The following CDK5R1 variants were observed in gnomAD, a reference collection of about 807,000 sequenced individuals.
CDK5R1 encodes cyclin-dependent kinase 5 activator 1.
CDK5R1 carries 1 observed loss-of-function variant against 19.0 expected under a neutral mutation model. The ratio of observed to expected loss-of-function variants is 0.05; its 90% confidence interval spans 0.02 to 0.25. The LOEUF is 0.25. CDK5R1 is among the 10% of genes least tolerant of loss of function. The probability of loss-of-function intolerance (pLI) is 1.00; values close to 1 mark genes in which losing one functional copy is unlikely to be tolerated. For synonymous variants in CDK5R1, 225 were observed against 187.7 expected (o/e 1.20, Z -1.62); for missense variants, 314 against 401.0 (o/e 0.78, Z 1.85).
chr17:32,487,704 G>C lies in CDK5R1; in HGVS notation c.84G>C (p.Thr28=). Residue 28 remains threonine (T), a synonymous_variant, in exon 2 of 2, where the codon ACG becomes ACC. Coordinates refer to ENST00000313401, the MANE Select transcript of CDK5R1 (RefSeq NM_003885.3). The surrounding 1 kb of genome is among the most constrained non-coding windows in gnomAD (Gnocchi z 7.9). ...EDGAATVGHY[T]AVQNSKNAKD... is the part of the protein sequence containing the mutation. ...GCGCGGCCACCGTGGGCCACTATAC[G>C]GCCGTACAGAACAGCAAGAACGCCA... 1 of 1,613,874 alleles carries C rather than the reference G, an allele frequency of 6.2e-7. No homozygotes were observed.
At position 32,487,544 on chromosome 17, in the gene CDK5R1, G is replaced by A; in HGVS notation, c.-77G>A. 1.6e-6 allele frequency: 2 copies of A among 1,227,826 alleles called. No homozygotes were observed. Among genetic ancestry groups the A allele is most frequent in the East Asian group, 2.5e-5 (1 of 40,012 alleles). 76.1% of individuals were successfully genotyped at this position (1,227,826 alleles called of 1,614,324 possible). ...TCCTCTCCGGGGCCGCCGCAGGCTCGGTGAGCGGTTTTATCCCTCCGGCCG... is the reference window on the plus strand; with the variant it reads ...TCCTCTCCGGGGCCGCCGCAGGCTCAGTGAGCGGTTTTATCCCTCCGGCCG... On this transcript the variant is annotated 5_prime_UTR_variant, in exon 2 of 2. Coordinates refer to ENST00000313401, the MANE Select transcript of CDK5R1 (RefSeq NM_003885.3). This position sits in a 1 kb window ranked among gnomAD's most constrained non-coding sequence, Gnocchi z 7.9.
rs1458105194 is a variant in CDK5R1 at position 32,490,969 on chromosome 17, A to G, written c.*2425A>G. ...AAATGTGCCATTTTTTTCACTCAGA[A>G]TTATTCATAGCTGTATATTTGAAAC... On this transcript the variant is annotated 3_prime_UTR_variant, in exon 2 of 2. Transcript: ENST00000313401. 1 of 167,124 alleles carries G rather than the reference A, an allele frequency of 6.0e-6. No individual in the cohort carries two copies. The highest frequency in any genetic ancestry group is 1.5e-5 in the Non-Finnish European group (1 of 68,134). The allele number at this position is 167,124 out of a possible 1,614,324, so 10.4% of individuals were successfully genotyped here. A position where few individuals can be genotyped will look rare whatever the true frequency, so the allele number is the denominator to read the frequency against.
rs745599063 is a variant in CDK5R1, at chr17:32,487,948, C to A, written c.328C>A (p.Pro110Thr). 4 of 1,613,326 alleles carry A rather than the reference C, an allele frequency of 2.5e-6. No individual in the cohort carries two copies. Among genetic ancestry groups the A allele is most frequent in the Non-Finnish European group, 3.4e-6 (4 of 1,179,988 alleles). The change falls in exon 2 of 2, where the codon CCG becomes ACG. Residue 110 changes from proline (P) to threonine (T), a missense_variant. Physicochemically the swap from Pro to Thr is conservative, Grantham distance 38. Around this residue, in one of 3 missense-constraint regions of CDK5R1, gnomAD observed 197 missense variants for 230.2 expected, o/e 0.86. Coordinates refer to ENST00000313401, the MANE Select transcript of CDK5R1 (RefSeq NM_003885.3). This position sits in a 1 kb window ranked among gnomAD's most constrained non-coding sequence, Gnocchi z 7.9. The stretch of plus-strand genomic sequence containing the variant: ...CCCACCGGCCCAGCCGCCTGCACCC[C>A]CGGCCAGCCAGCTCTCGGGTTCCCA... ...QPPPAQPPAP[P>T]ASQLSGSQTG...
At position 32,487,520 on chromosome 17, in the gene CDK5R1, C is replaced by G. The variant is rs1338805999; in HGVS notation, c.-101C>G. Reference sequence around the variant, plus strand: ...ACGCTTCCCGGGAGCGCCCCCGCCTCCTCTCCGGGGCCGCCGCAGGCTCGG... The same window carrying G: ...ACGCTTCCCGGGAGCGCCCCCGCCTGCTCTCCGGGGCCGCCGCAGGCTCGG... On this transcript the variant is annotated 5_prime_UTR_variant, in exon 2 of 2. Transcript: ENST00000313401. This position sits in a 1 kb window ranked among gnomAD's most constrained non-coding sequence, Gnocchi z 7.9. 1.1e-6 allele frequency: 1 copy of G among 895,504 alleles called. No homozygotes were observed. The highest frequency in any genetic ancestry group is 1.7e-6 in the Non-Finnish European group (1 of 601,524). 55.5% of individuals were successfully genotyped at this position (895,504 alleles called of 1,614,324 possible).
At position 32,487,847 on chromosome 17, in the gene CDK5R1, A is replaced by G. The variant is rs1424987078; in HGVS notation, c.227A>G (p.Asn76Ser). 5 of 1,614,090 alleles carry G rather than the reference A, an allele frequency of 3.1e-6. No individual in the cohort carries two copies. The Admixed American group carries it at 8.3e-5, about 27-fold the overall frequency. Residue 76 changes from asparagine to serine, a missense_variant, in exon 2 of 2, where the codon AAC becomes AGC. Around this residue, in one of 3 missense-constraint regions of CDK5R1, gnomAD observed 197 missense variants for 230.2 expected, o/e 0.86. Transcript: ENST00000313401. This position sits in a 1 kb window ranked among gnomAD's most constrained non-coding sequence, Gnocchi z 7.9. ...GTGCAGCCCAACAGCAGCTACCAGAACAACATCACGCACCTCAACAATGAG... is the reference window on the plus strand; with the variant it reads ...GTGCAGCCCAACAGCAGCTACCAGAGCAACATCACGCACCTCAACAATGAG... Reference protein sequence around the residue: ...KKVQPNSSYQNNITHLNNENL... With the variant: ...KKVQPNSSYQSNITHLNNENL...
chr17:32,490,978 AGCTGTATATTTGAAACT>A lies in CDK5R1; in HGVS notation c.*2438_*2454del, dbSNP rs1201754542. On this transcript the variant is annotated 3_prime_UTR_variant, in exon 2 of 2. Transcript: ENST00000313401. ...ATTTTTTTCACTCAGAATTATTCATAGCTGTATATTTGAAACTGCTAATTACACACGTGTGATGTATG... is the reference window on the plus strand; with the variant it reads ...ATTTTTTTCACTCAGAATTATTCATAGCTAATTACACACGTGTGATGTATG... 2.4e-5 allele frequency: 4 copies of A among 167,124 alleles called. No homozygotes were observed. The highest frequency in any genetic ancestry group is 9.6e-5 in the African/African-American group (4 of 41,478). 10.4% of individuals were successfully genotyped at this position (167,124 alleles called of 1,614,324 possible). A position where few individuals can be genotyped will look rare whatever the true frequency, so the allele number is the denominator to read the frequency against.
At position 32,489,477 on chromosome 17, in the gene CDK5R1, C is replaced by G; in HGVS notation, c.*933C>G. 2.8e-6 allele frequency: 1 copy of G among 360,440 alleles called. No homozygotes were observed. The allele number at this position is 360,440 out of a possible 1,614,324, so 22.3% of individuals were successfully genotyped here. ...AGGGCTAAGGCCTCTTGCTGGTGCA[C>G]ATGACATTTGTCCTGCAGAGCTGGG... On this transcript the variant is annotated 3_prime_UTR_variant, in exon 2 of 2. Coordinates refer to ENST00000313401, the MANE Select transcript of CDK5R1 (RefSeq NM_003885.3).
chr17:32,490,619 A>G lies in CDK5R1; in HGVS notation c.*2075A>G, dbSNP rs545874565. The G allele has an allele frequency of 6.0e-6, 1 of 167,246 alleles. No individual in the cohort carries two copies. The highest frequency in any genetic ancestry group is 1.5e-5 in the Non-Finnish European group (1 of 68,118). The allele number at this position is 167,246 out of a possible 1,614,324, so 10.4% of individuals were successfully genotyped here. A position where few individuals can be genotyped will look rare whatever the true frequency, so the allele number is the denominator to read the frequency against. On this transcript the variant is annotated 3_prime_UTR_variant, in exon 2 of 2. Coordinates refer to ENST00000313401, the MANE Select transcript of CDK5R1 (RefSeq NM_003885.3). ...AACAACTGATATACTTGAGTGTGCAAGCAAAGAACCCATTTGCCATGCTGC... is the reference window on the plus strand; with the variant it reads ...AACAACTGATATACTTGAGTGTGCAGGCAAAGAACCCATTTGCCATGCTGC...
rs1018207531 is a variant in CDK5R1 at position 32,487,638 on chromosome 17, C to G, written c.18C>G (p.Ser6=). The change falls in exon 2 of 2, where the codon TCC becomes TCG. Residue 6 remains serine, a synonymous_variant. Transcript: ENST00000313401. This position sits in a 1 kb window ranked among gnomAD's most constrained non-coding sequence, Gnocchi z 7.9. MGTVL[S]LSPSYRKATL... Reference sequence around the variant, plus strand: ...GCAGCACCATGGGCACGGTGCTGTCCCTGTCTCCCAGCTACCGGAAGGCCA... The same window carrying G: ...GCAGCACCATGGGCACGGTGCTGTCGCTGTCTCCCAGCTACCGGAAGGCCA... 1.2e-6 allele frequency: 2 copies of G among 1,613,156 alleles called. No individual in the cohort carries two copies. Among genetic ancestry groups the G allele is most frequent in the South Asian group, 1.1e-5 (1 of 91,070 alleles).
Position 32,488,742 on chromosome 17 carries a change from A to C in CDK5R1, c.*198A>C. On this transcript the variant is annotated 3_prime_UTR_variant, in exon 2 of 2. Coordinates refer to ENST00000313401, the MANE Select transcript of CDK5R1 (RefSeq NM_003885.3). ...TCACGAGCCTTGCGCAAAACCCAGA[A>C]GATGTATTCAGAGCCACCCAGGCCA... 2 of 1,000,014 alleles carry C rather than the reference A, an allele frequency of 2.0e-6. No homozygotes were observed. The highest frequency in any genetic ancestry group is 2.9e-6 in the Non-Finnish European group (2 of 679,136). The allele number at this position is 1,000,014 out of a possible 1,614,324, so 61.9% of individuals were successfully genotyped here. A position where few individuals can be genotyped will look rare whatever the true frequency, so the allele number is the denominator to read the frequency against.
rs1367398781 is a variant in CDK5R1 at position 32,488,006 on chromosome 17, C to G, written c.386C>G (p.Pro129Arg). Residue 129 changes from proline to arginine, a missense_variant, in exon 2 of 2, where the codon CCT becomes CGT. Pro to Arg is a moderately radical substitution (Grantham distance 103). This residue lies in a region of CDK5R1 where 197 missense variants were observed against 230.2 expected (regional missense o/e 0.86). Coordinates refer to ENST00000313401, the MANE Select transcript of CDK5R1 (RefSeq NM_003885.3). The part of the protein sequence containing the change: ...TGGSSSVKKA[P>R]HPAVTSAGTP... Reference sequence around the variant, plus strand: ...GGCTCCTCCTCAGTCAAGAAAGCCCCTCACCCTGCCGTCACCTCCGCAGGG... The same window carrying G: ...GGCTCCTCCTCAGTCAAGAAAGCCCGTCACCCTGCCGTCACCTCCGCAGGG... 3.1e-6 allele frequency: 5 copies of G among 1,612,984 alleles called. No individual in the cohort carries two copies. The highest frequency in any genetic ancestry group is 4.2e-6 in the Non-Finnish European group (5 of 1,179,810).
chr17:32,488,469 A>G lies in CDK5R1; in HGVS notation c.849A>G (p.Thr283=). ...LQINADPHYF[T]QVFSDLKNES... ...TAAATGCCGACCCACACTACTTCAC[A>G]CAGGTCTTCTCCGACCTGAAGAACG... is the stretch of plus-strand genomic sequence containing the variant. The change falls in exon 2 of 2, where the codon ACA becomes ACG. Residue 283 remains threonine (T), a synonymous_variant. Transcript: ENST00000313401. The G allele has an allele frequency of 6.2e-7, 1 of 1,613,934 alleles. No individual in the cohort carries two copies. The highest frequency in any genetic ancestry group is 8.5e-7 in the Non-Finnish European group (1 of 1,179,988).
At position 32,487,002 on chromosome 17, in the gene CDK5R1, C is replaced by T. The variant is rs1000018686; in HGVS notation, c.-306C>T. 1.3e-5 allele frequency: 2 copies of T among 153,788 alleles called. No individual in the cohort carries two copies. The highest frequency in any genetic ancestry group is 5.0e-5 in the African/African-American group (2 of 39,688). The allele number at this position is 153,788 out of a possible 1,614,324, so 9.5% of individuals were successfully genotyped here. On this transcript the variant is annotated 5_prime_UTR_variant, in exon 1 of 2. Coordinates refer to ENST00000313401, the MANE Select transcript of CDK5R1 (RefSeq NM_003885.3). This position sits in a 1 kb window ranked among gnomAD's most constrained non-coding sequence, Gnocchi z 7.9. ...CTGCAGAACCTTGGACAGAAGCTCC[C>T]TAGCTGCCGCCGCCGCCGCCGCCGC...
rs1045178949 is a variant in CDK5R1, at chr17:32,490,123, A to C, written c.*1579A>C. 6.0e-6 allele frequency: 1 copy of C among 167,160 alleles called. No individual in the cohort carries two copies. Among genetic ancestry groups the C allele is most frequent in the African/African-American group, 2.4e-5 (1 of 41,466 alleles). The allele number at this position is 167,160 out of a possible 1,614,324, so 10.4% of individuals were successfully genotyped here. A position where few individuals can be genotyped will look rare whatever the true frequency, so the allele number is the denominator to read the frequency against. Reference sequence around the variant, plus strand: ...AAGAGAGCCTGCCCGGCCGGAGAACATCTGCCTTGCTGCACCTGAGGCCCA... The same window carrying C: ...AAGAGAGCCTGCCCGGCCGGAGAACCTCTGCCTTGCTGCACCTGAGGCCCA... On this transcript the variant is annotated 3_prime_UTR_variant, in exon 2 of 2. Coordinates refer to ENST00000313401, the MANE Select transcript of CDK5R1 (RefSeq NM_003885.3).
rs1288722669 is a variant in CDK5R1, at chr17:32,488,595, T to C, written c.*51T>C. The C allele has an allele frequency of 6.2e-7, 1 of 1,611,358 alleles. No individual in the cohort carries two copies. The highest frequency in any genetic ancestry group is 8.5e-7 in the Non-Finnish European group (1 of 1,178,968). ...AGGATTCAATGCATTTTTAAGAATT[T>C]ATTATTAAATCAGTTTTGTGTACAG... On this transcript the variant is annotated 3_prime_UTR_variant, in exon 2 of 2. Coordinates refer to ENST00000313401, the MANE Select transcript of CDK5R1 (RefSeq NM_003885.3).
In CDK5R1 at chr17:32,487,981, G is replaced by C. The variant is rs1439452323; in HGVS notation, c.361G>C (p.Gly121Arg). 3.1e-6 allele frequency: 5 copies of C among 1,613,058 alleles called. No individual in the cohort carries two copies. The highest frequency in any genetic ancestry group is 3.4e-6 in the Non-Finnish European group (4 of 1,179,902). The change falls in exon 2 of 2, where the codon GGC (glycine) becomes CGC (arginine). Residue 121 changes from glycine to arginine, a missense_variant. By Grantham distance (125) the Gly-to-Arg change is moderately radical. This residue lies in a region of CDK5R1 where 197 missense variants were observed against 230.2 expected (regional missense o/e 0.86). Coordinates refer to ENST00000313401, the MANE Select transcript of CDK5R1 (RefSeq NM_003885.3). This position sits in a 1 kb window ranked among gnomAD's most constrained non-coding sequence, Gnocchi z 7.9. ...CCAGCTCTCGGGTTCCCAGACCGGG[G>C]GCTCCTCCTCAGTCAAGAAAGCCCC... is the stretch of plus-strand genomic sequence containing the variant. ...ASQLSGSQTG[G>R]SSSVKKAPHP...
chr17:32,488,688 C>A lies in CDK5R1; in HGVS notation c.*144C>A. 6.9e-7 allele frequency: 1 copy of A among 1,457,018 alleles called. No homozygotes were observed. Among genetic ancestry groups the A allele is most frequent in the Non-Finnish European group, 9.4e-7 (1 of 1,067,778 alleles). 90.3% of individuals were successfully genotyped at this position (1,457,018 alleles called of 1,614,324 possible). A position where few individuals can be genotyped will look rare whatever the true frequency, so the allele number is the denominator to read the frequency against. ...GTCTCTCCCTGGGGTTTTTTTCATC[C>A]CTGCCAAGAACTCTGGGCACTTTTG... is the stretch of plus-strand genomic sequence containing the variant. On this transcript the variant is annotated 3_prime_UTR_variant, in exon 2 of 2. Transcript: ENST00000313401.
In CDK5R1 at chr17:32,488,304, A is replaced by G. The variant is rs1312805554; in HGVS notation, c.684A>G (p.Thr228=). The change falls in exon 2 of 2, where the codon ACA becomes ACG. Residue 228 remains threonine, a synonymous_variant. Transcript: ENST00000313401. ...SDHELQAVLL[T]CLYLSYSYMG... ...ACGAGCTCCAGGCCGTCCTGCTGAC[A>G]TGCCTGTACCTCTCCTACTCCTACA... The G allele has an allele frequency of 6.2e-7, 1 of 1,614,010 alleles. No homozygotes were observed. Among genetic ancestry groups the G allele is most frequent in the Non-Finnish European group, 8.5e-7 (1 of 1,180,008 alleles).
chr17:32,488,052 C>T lies in CDK5R1; in HGVS notation c.432C>T (p.Val144=), dbSNP rs1256683722. 9 of 1,612,796 alleles carry T rather than the reference C, an allele frequency of 5.6e-6. No individual in the cohort carries two copies. The highest frequency in any genetic ancestry group is 7.6e-6 in the Non-Finnish European group (9 of 1,179,522). Reference sequence around the variant, plus strand: ...CAGGGACGCCCAAACGGGTCATCGTCCAGGCGTCCACCAGTGAGCTGCTTC... The same window carrying T: ...CAGGGACGCCCAAACGGGTCATCGTTCAGGCGTCCACCAGTGAGCTGCTTC... The part of the protein sequence containing the change: ...TSAGTPKRVI[V]QASTSELLRC... The change falls in exon 2 of 2, where the codon GTC becomes GTT. Residue 144 remains valine (V), a synonymous_variant. Transcript: ENST00000313401.
Sources: allele counts gnomAD v4.1 joint callset, GRCh38; gene constraint gnomAD v4.1.1; regional missense constraint gnomAD v4.1.1; non-coding constraint Gnocchi (gnomAD v3.1); transcripts MANE v1.5; gene names NCBI Gene and HGNC (gene_info 2026-07-23, HGNC 2026-07-21).